ADGRL3: variants seen among roughly 807,000 people sequenced by gnomAD.
ADGRL3 encodes the protein adhesion G protein-coupled receptor L3.
A neutral mutation model predicts 153.5 loss-of-function variants in ADGRL3; 62 were observed. That is an observed-to-expected ratio of 0.40 (90% confidence interval 0.33 to 0.50). The LOEUF (loss-of-function observed/expected upper bound fraction) is 0.50. Ranked by LOEUF, ADGRL3 falls within the 20% of genes least tolerant of loss-of-function variation. The pLI is 0.47. For synonymous variants in ADGRL3, 710 were observed against 672.5 expected, an observed-to-expected ratio of 1.06 and a Z score of -0.86; for missense variants, 1,641 against 1,859.4, an observed-to-expected ratio of 0.88 and a Z score of 2.16.
chr4:61,497,313 T>A lies in ADGRL3; in HGVS notation c.20T>A (p.Leu7Gln), dbSNP rs1479046335. Reference sequence around the variant, plus strand: ...ACAGCCATGTGGCCATCGCAGCTACTAATTTTCATGATGCTCTTAGCTCCA... The same window carrying A: ...ACAGCCATGTGGCCATCGCAGCTACAAATTTTCATGATGCTCTTAGCTCCA... Reference protein sequence around the residue: MWPSQLLIFMMLLAPII... With the variant: MWPSQLQIFMMLLAPII... The change falls in exon 3 of 27, where the codon CTA (leucine) becomes CAA (glutamine). Residue 7 changes from leucine to glutamine, a missense_variant. Around this residue, in one of 5 missense-constraint regions of ADGRL3, gnomAD observed 145 missense variants for 79.1 expected, o/e 1.83. Transcript: ENST00000683033. 1.2e-6 allele frequency: 2 copies of A among 1,606,570 alleles called. No homozygotes were observed. Among genetic ancestry groups the A allele is most frequent in the Non-Finnish European group, 1.7e-6 (2 of 1,177,422 alleles).
intron 1 of ADGRL3, among the ~76,000 whole-genome samples, chr4:61,358,413 G>C (rs747163133): frequency 4.5e-4 from 69 of 151,860 alleles, no homozygotes; most frequent in Non-Finnish European, 8.0e-4. Context: ...CTGGCTAACA[G>C]GATGAAACCC....
intron 25 of ADGRL3, chr4:62,063,696 C>A (rs968296767): frequency 8.9e-6 from 5 of 564,928 alleles, no homozygotes; most frequent in African/African-American, 7.6e-5. Context: ...GTTTTATGGG[C>A]AAATTCTATT....
rs987818100 is a variant in ADGRL3, at chr4:61,350,613, T to G, written c.-239-32511T>G. Among the ~76,000 whole-genome samples, 3 of 152,284 alleles carry G rather than the reference T, an allele frequency of 2.0e-5. No homozygotes were observed. The South Asian group carries it at 6.2e-4, about 32-fold the overall frequency. On this transcript the variant is annotated intron_variant, in intron 1 of 26. Transcript: ENST00000683033. ...TCTTTCCAGTGGCATATACACACTT[T>G]ATGTCCGTGTGTCACATTTTGGTAA...
intron 6 of ADGRL3, among the ~76,000 whole-genome samples, chr4:61,683,067 G>C (rs1170738304): frequency 6.6e-6 from 1 of 151,312 alleles, no homozygotes; most frequent in Non-Finnish European, 1.5e-5. Flanking sequence ...TGGGGATAGA[G>C]GTCTTCATGG....
At chr4:61,422,226 G>A (rs2097215474) in intron 2 of ADGRL3, among the ~76,000 whole-genome samples, 1 of 152,110 alleles carries the variant, frequency 6.6e-6, no homozygotes, top group Admixed American at 6.5e-5. Context: ...AAAGTTTAAA[G>A]CCTCAGAGTT....
rs537893880 is a variant in ADGRL3 at position 61,970,605 on chromosome 4, T to C, written c.2806-8958T>C. ...AATTCAAAGGACAATTGTATATGAA[T>C]GTTGTATGCTCTTAAGAGCACACAC... On this transcript the variant is annotated intron_variant, in intron 17 of 26. Coordinates refer to ENST00000683033, the MANE Select transcript of ADGRL3 (RefSeq NM_001387552.1). Among the ~76,000 whole-genome samples, 13 of 152,300 alleles carry C rather than the reference T, an allele frequency of 8.5e-5. No homozygotes were observed. The East Asian group carries it at 2.5e-3, about 29-fold the overall frequency.
chr4:61,311,192 T>TA (rs1439474704), intron 1 of ADGRL3, among the ~76,000 whole-genome samples: 1 of 152,162 alleles, frequency 6.6e-6, no homozygotes, highest in Non-Finnish European at 1.5e-5. Context: ...ATTAACACCA[T>TA]AAAGTTTGGT....
intron 5 of ADGRL3, among the ~76,000 whole-genome samples, chr4:61,648,190 A>T (rs1354085449): frequency 6.6e-6 from 1 of 151,714 alleles, no homozygotes; most frequent in African/African-American, 2.4e-5. Context: ...CACCCTTTAT[A>T]CTCCTGGAAT....
At chr4:61,249,223 A>T (rs1337736782) in intron 1 of ADGRL3, among the ~76,000 whole-genome samples, 1 of 152,142 alleles carries the variant, frequency 6.6e-6, no homozygotes, top group Non-Finnish European at 1.5e-5. Context: ...AGCTTTCAAC[A>T]TTGTGTTCGG....
intron 3 of ADGRL3, among the ~76,000 whole-genome samples, chr4:61,513,184 C>G (rs868322397): frequency 1.3e-5 from 2 of 152,036 alleles, no homozygotes; most frequent in Non-Finnish European, 2.9e-5. Flanking sequence ...GAATAATTGA[C>G]TGAATTACAA....
chr4:62,063,207 T>G (rs1741135675), intron 25 of ADGRL3, among the ~76,000 whole-genome samples: 1 of 152,050 alleles, frequency 6.6e-6, no homozygotes, highest in Non-Finnish European at 1.5e-5. Flanking sequence ...TCACTTTAAT[T>G]TTAATTTTTA....
At chr4:62,010,892 T>G (rs533885232) in intron 21 of ADGRL3, among the ~76,000 whole-genome samples, 55 of 152,242 alleles carry the variant, frequency 3.6e-4, no homozygotes, top group Non-Finnish European at 6.8e-4. Context: ...AAAAGGTAAT[T>G]GCTGTTTATT....
intron 21 of ADGRL3, among the ~76,000 whole-genome samples, chr4:62,021,879 C>T (rs988710356): frequency 5.9e-5 from 9 of 152,122 alleles, no homozygotes; most frequent in African/African-American, 2.2e-4. Context: ...TCTGCCTCTC[C>T]TTGGGTTCCC....
At chr4:61,228,755 C>T (rs1419774099) in intron 1 of ADGRL3, among the ~76,000 whole-genome samples, 4 of 152,188 alleles carry the variant, frequency 2.6e-5, no homozygotes, top group Non-Finnish European at 5.9e-5. Context: ...TGCAATGGCA[C>T]CGTCTGGGCT....
chr4:61,946,594 A>C (rs542169920), intron 15 of ADGRL3, among the ~76,000 whole-genome samples: 2 of 152,270 alleles, frequency 1.3e-5, no homozygotes, highest in Non-Finnish European at 1.5e-5. Context: ...GCCTTCTTCA[A>C]AGTACAAGGA....
chr4:61,646,874 G>A (rs1453610870), intron 5 of ADGRL3, among the ~76,000 whole-genome samples: 1 of 152,198 alleles, frequency 6.6e-6, no homozygotes, highest in Non-Finnish European at 1.5e-5. Flanking sequence ...CCCTCCCCCA[G>A]CCTGGCTGCC....
At chr4:61,284,194 A>G (rs2093836044) in intron 1 of ADGRL3, among the ~76,000 whole-genome samples, 1 of 151,984 alleles carries the variant, frequency 6.6e-6, no homozygotes, top group Non-Finnish European at 1.5e-5. Flanking sequence ...ATTTGCAGTC[A>G]TATAAGTGAG....
intron 17 of ADGRL3, among the ~76,000 whole-genome samples, chr4:61,975,998 G>A (rs773478421): frequency 6.6e-6 from 1 of 152,116 alleles, no homozygotes; most frequent in Admixed American, 6.6e-5. Flanking sequence ...TGCTTAAGCT[G>A]TACTGACATG....
At chr4:61,259,048 A>T (rs2092273738) in intron 1 of ADGRL3, among the ~76,000 whole-genome samples, 1 of 152,194 alleles carries the variant, frequency 6.6e-6, no homozygotes, top group African/African-American at 2.4e-5. Context: ...CATCAATTGA[A>T]CTTACCTCAA....
Sources: allele counts gnomAD v4.1 joint callset (sites outside exome capture counted in the v4.1 genomes callset), GRCh38; gene constraint gnomAD v4.1.1; regional missense constraint gnomAD v4.1.1; transcripts MANE v1.5; gene names NCBI Gene and HGNC (gene_info 2026-07-23, HGNC 2026-07-21).